The following NOCT variants were observed in gnomAD, a reference collection of about 807,000 sequenced individuals.
NOCT encodes CCR4 carbon catabolite repression 4-like.
In NOCT, 18 loss-of-function variants were observed where a neutral mutation model predicts 35.0. The observed-to-expected ratio is 0.51, with a 90% CI of 0.36 to 0.76. The LOEUF is 0.76. NOCT is among the 30% of genes least tolerant of loss of function. The pLI is 0.01. For synonymous variants in NOCT, 235 were observed against 226.3 expected, an observed-to-expected ratio of 1.04 and a Z score of -0.34; for missense variants, 479 against 541.0, an observed-to-expected ratio of 0.89 and a Z score of 1.14.
chr4:139,029,312 G>A (rs1328303948), intron 1 of NOCT, among the ~76,000 whole-genome samples: 1 of 152,234 alleles, frequency 6.6e-6, no homozygotes, highest in African/African-American at 2.4e-5. Context: ...AGAAGATAAT[G>A]AAGAAGCAGA....
At chr4:139,039,211 C>T (rs1409222666) in intron 1 of NOCT, among the ~76,000 whole-genome samples, 2 of 144,318 alleles carry the variant, frequency 1.4e-5, no homozygotes, top group African/African-American at 5.1e-5. Flanking sequence ...TGAGGACTGC[C>T]AATCCTTGCT....
intron 1 of NOCT, among the ~76,000 whole-genome samples, chr4:139,039,789 G>A (rs1423803245): frequency 6.6e-6 from 1 of 152,040 alleles, no homozygotes; most frequent in Non-Finnish European, 1.5e-5. Context: ...GTGGAATGGC[G>A]CCATCTCGGC....
intron 1 of NOCT, among the ~76,000 whole-genome samples, chr4:139,024,045 CTTTTTTTT>C (rs368349308): frequency 3.1e-5 from 4 of 130,986 alleles, no homozygotes; most frequent in Non-Finnish European, 3.1e-5. Context: ...TCTATTCATC[CTTTTTTTT>C]TTTTTTTTTT....
At chr4:139,020,816 A>G (rs1726395569) in intron 1 of NOCT, among the ~76,000 whole-genome samples, 3 of 152,124 alleles carry the variant, frequency 2.0e-5, no homozygotes, top group Non-Finnish European at 2.9e-5. Flanking sequence ...CTGTAATCCC[A>G]GCACTTTGGG....
At chr4:139,040,126 C>T (rs1409820747) in intron 1 of NOCT, among the ~76,000 whole-genome samples, 24 of 150,476 alleles carry the variant, frequency 1.6e-4, no homozygotes, top group African/African-American at 5.9e-4. Flanking sequence ...CTGCAAGCTC[C>T]GCCTCCCGGG....
In NOCT at chr4:139,016,012, GC is replaced by G; in HGVS notation, c.34del (p.Leu12CysfsTer71). The G allele has an allele frequency of 7.2e-7, 1 of 1,397,846 alleles. No individual in the cohort carries two copies. Among genetic ancestry groups the G allele is most frequent in the Non-Finnish European group, 9.3e-7 (1 of 1,077,360 alleles). 86.6% of individuals were successfully genotyped at this position (1,397,846 alleles called of 1,614,324 possible). A position where few individuals can be genotyped will look rare whatever the true frequency, so the allele number is the denominator to read the frequency against. ...TCATAGTCCGCGGCGGCTCTGCTCG[GC>G]CCTGCTGCAGAGGGACGCGCCCGGC... The part of the protein sequence containing the change: MFHSPRRLCS[A>X]LLQRDAPGLR... On this transcript the variant is annotated frameshift_variant, in exon 1 of 3. Transcript: ENST00000280614. LOFTEE classifies it high-confidence loss of function.
rs192136156 is a variant in NOCT at position 139,027,953 on chromosome 4, T to C, written c.190+11782T>C. Among the ~76,000 whole-genome samples the C allele has an allele frequency of 2.6e-5, 4 of 152,180 alleles. No individual in the cohort carries two copies. The East Asian group carries it at 5.8e-4, about 22-fold the overall frequency. ...AAGACAGGATGCTGCCAGAGTTAGC[T>C]CATGGGTCACAGTCGGTAGATCCCT... On this transcript the variant is annotated intron_variant, in intron 1 of 2. Coordinates refer to ENST00000280614, the MANE Select transcript of NOCT (RefSeq NM_012118.4).
rs1726915007 is a variant in NOCT, at chr4:139,045,357, T to TCTG, written c.1182_1184dup (p.Leu395dup). 6.2e-7 allele frequency: 1 copy of TCTG among 1,613,986 alleles called. No individual in the cohort carries two copies. Among genetic ancestry groups the TCTG allele is most frequent in the Admixed American group, 1.7e-5 (1 of 59,984 alleles). On this transcript the variant is annotated inframe_insertion, in exon 3 of 3. Coordinates refer to ENST00000280614, the MANE Select transcript of NOCT (RefSeq NM_012118.4). ...CTCTAAATGTAAGGTCAGCTCTCGA[T>TCTG]CTGCTCACTGAAGAACAGATTGGAC... is the stretch of plus-strand genomic sequence containing the variant.
In NOCT at chr4:139,033,779, A is replaced by C. The variant is rs554356288; in HGVS notation, c.191-9295A>C. Among the ~76,000 whole-genome samples, 66 of 150,920 alleles carry C rather than the reference A, an allele frequency of 4.4e-4. 1 individual carries two copies. The South Asian group carries it at 0.01, about 23-fold the overall frequency. On this transcript the variant is annotated intron_variant, in intron 1 of 2. Transcript: ENST00000280614. ...TCTCTCATTTTGTTTTTTTTTTGAGAGCTGGGGTGCAGTGGTGCAGTCATG... is the reference window on the plus strand; with the variant it reads ...TCTCTCATTTTGTTTTTTTTTTGAGCGCTGGGGTGCAGTGGTGCAGTCATG...
intron 1 of NOCT, among the ~76,000 whole-genome samples, chr4:139,022,185 C>T (rs1464499126): frequency 2.6e-5 from 4 of 152,162 alleles, no homozygotes; most frequent in Non-Finnish European, 4.4e-5. Flanking sequence ...TGGACTTCCA[C>T]GGAAAGCAGC....
At chr4:139,018,376 GTAA>G (rs1228357261) in intron 1 of NOCT, among the ~76,000 whole-genome samples, 6 of 152,292 alleles carry the variant, frequency 3.9e-5, no homozygotes, top group Non-Finnish European at 5.9e-5. Flanking sequence ...TGTTATCTGA[GTAA>G]TAATATCAGG....
intron 1 of NOCT, among the ~76,000 whole-genome samples, chr4:139,040,906 TAAAA>T (rs796691356): frequency 7.0e-6 from 1 of 143,004 alleles, no homozygotes; most frequent in Non-Finnish European, 1.5e-5. Flanking sequence ...CTACAGGAAG[TAAAA>T]AAAAAAAGTA....
At chr4:139,037,856 C>T (rs1258972662) in intron 1 of NOCT, among the ~76,000 whole-genome samples, 1 of 151,758 alleles carries the variant, frequency 6.6e-6, no homozygotes, top group Non-Finnish European at 1.5e-5. Flanking sequence ...CCACTGCACT[C>T]CAGCCTGGTA....
At chr4:139,033,765 GT>G (rs1418825631) in intron 1 of NOCT, among the ~76,000 whole-genome samples, 4 of 147,880 alleles carry the variant, frequency 2.7e-5, no homozygotes, top group Non-Finnish European at 4.5e-5. Context: ...CTCTCATTTT[GT>G]TTTTTTTTTG....
At chr4:139,044,001 T>TAC (rs1553947378) in intron 2 of NOCT, 13 of 148,442 alleles carry the variant, frequency 8.8e-5, no homozygotes, top group African/African-American at 2.7e-4. Flanking sequence ...TATATATATA[T>TAC]ATACACTTTG....
At chr4:139,023,776 G>A (rs1486238150) in intron 1 of NOCT, among the ~76,000 whole-genome samples, 2 of 152,170 alleles carry the variant, frequency 1.3e-5, no homozygotes, top group Non-Finnish European at 1.5e-5. Flanking sequence ...GGGATTACAG[G>A]CACCATGCCC....
intron 1 of NOCT, among the ~76,000 whole-genome samples, chr4:139,022,993 C>A (rs564225545): frequency 1.3e-5 from 2 of 151,392 alleles, no homozygotes; most frequent in African/African-American, 4.9e-5. Context: ...CCCAGCTATT[C>A]GGGAGGCTGA....
intron 1 of NOCT, among the ~76,000 whole-genome samples, chr4:139,021,559 TGA>T (rs1229293256): frequency 1.3e-5 from 2 of 151,406 alleles, no homozygotes; most frequent in African/African-American, 4.9e-5. Flanking sequence ...GAAAGTTCAG[TGA>T]GAGGAAACTT....
rs779614892 is a variant in NOCT at position 139,045,166 on chromosome 4, A to G, written c.988A>G (p.Thr330Ala). The G allele has an allele frequency of 9.3e-6, 15 of 1,614,074 alleles. No homozygotes were observed. Among genetic ancestry groups the G allele is most frequent in the African/African-American group, 1.3e-5 (1 of 74,930 alleles). ...IVCGDFNAEPTEEVYKHFASS... is the reference protein window; with the variant it reads ...IVCGDFNAEPAEEVYKHFASS... ...GTGTGGGGACTTCAATGCAGAGCCA[A>G]CAGAAGAGGTCTACAAACACTTTGC... Residue 330 changes from threonine (T) to alanine (A), a missense_variant, in exon 3 of 3, where the codon ACA becomes GCA. Thr to Ala is a moderately conservative substitution (Grantham distance 58). Transcript: ENST00000280614.
Sources: allele counts gnomAD v4.1 joint callset (sites outside exome capture counted in the v4.1 genomes callset), GRCh38; gene constraint gnomAD v4.1.1; transcripts MANE v1.5; gene names NCBI Gene and HGNC (gene_info 2026-07-23, HGNC 2026-07-21).